Variants in CELSR2 observed in about 807,000 individuals in gnomAD.
CELSR2 encodes the protein EGF-like protein 2.
In CELSR2, 81 loss-of-function variants were observed where a neutral mutation model predicts 251.6. The ratio of observed to expected loss-of-function variants is 0.32; its 90% CI spans 0.27 to 0.39. The LOEUF (loss-of-function observed/expected upper bound fraction) is 0.39, where lower values mean the gene tolerates loss of function less well. Among genes scored for constraint, CELSR2 ranks in the 10% least tolerant of loss-of-function variants. The probability of loss-of-function intolerance (pLI) is 1.00; values close to 1 mark genes in which losing one functional copy is unlikely to be tolerated. For synonymous variants in CELSR2, 1,721 were observed against 1,670.5 expected (o/e 1.03, Z -0.74); for missense variants, 3,365 against 3,947.7 (o/e 0.85, Z 3.96).
intron 1 of CELSR2, 148 bp from the exon 2 acceptor site, chr1:109,258,284 C>T (rs1474936929): frequency 1.0e-5 from 6 of 588,524 alleles, no homozygotes; most frequent in Non-Finnish European, 1.5e-5. Flanking sequence ...CCCCTGAGCC[C>T]TGAAGGAGTG....
chr1:109,252,063 A>T lies in CELSR2; in HGVS notation c.1984A>T (p.Ser662Cys). ...TRNRFSITSQ[S>C]GGGLVSLALP... ...AAACCGCTTCTCCATCACCAGCCAA[A>T]GTGGTGGTGGGCTGGTATCCCTTGC... Residue 662 changes from serine (S) to cysteine (C), a missense_variant, in exon 1 of 34, where the codon AGT becomes TGT. Around this residue, in one of 5 missense-constraint regions of CELSR2, gnomAD observed 60 missense variants for 104.8 expected, o/e 0.57. Coordinates refer to ENST00000271332, the MANE Select transcript of CELSR2 (RefSeq NM_001408.3). This position sits in a 1 kb window ranked among gnomAD's most constrained non-coding sequence, Gnocchi z 4.8. The T allele has an allele frequency of 6.2e-7, 1 of 1,614,036 alleles. No homozygotes were observed. Among genetic ancestry groups the T allele is most frequent in the Non-Finnish European group, 8.5e-7 (1 of 1,180,004 alleles).
At position 109,258,365 on chromosome 1, in the gene CELSR2, G is replaced by T. The variant is rs1278130472; in HGVS notation, c.3311-67G>T. ...TGGAAAGGAGAGCCTTTCTTGGTGG[G>T]TGGTGCAGGAATATGCAGGCTGAAT... On this transcript the variant is annotated intron_variant, in intron 1 of 33. Coordinates refer to ENST00000271332, the MANE Select transcript of CELSR2 (RefSeq NM_001408.3). The T allele has an allele frequency of 3.5e-6, 4 of 1,147,234 alleles. No homozygotes were observed. In the East Asian group the frequency reaches 7.7e-5, roughly 22 times the overall value. 71.1% of individuals were successfully genotyped at this position (1,147,234 alleles called of 1,614,324 possible).
rs779354688 is a variant in CELSR2, at chr1:109,258,676, G to A, written c.3555G>A (p.Leu1185=). 5 of 1,547,700 alleles carry A rather than the reference G, an allele frequency of 3.2e-6. No individual in the cohort carries two copies. Among genetic ancestry groups the A allele is most frequent in the Non-Finnish European group, 4.4e-6 (5 of 1,145,214 alleles). Residue 1185 remains leucine, a synonymous_variant, in exon 2 of 34, where the codon CTG becomes CTA. Coordinates refer to ENST00000271332, the MANE Select transcript of CELSR2 (RefSeq NM_001408.3). ...APGGHILNVS[L]SVGQPPGPGG... is the part of the protein sequence containing the mutation. ...GGGGCCACATCCTCAACGTGAGCCT[G>A]TCGGTGGGCCAGCCGCCAGGGCCCG...
rs1269808317 is a variant in CELSR2, at chr1:109,265,787, A to G, written c.5780A>G (p.Tyr1927Cys). Residue 1927 changes from tyrosine to cysteine, a missense_variant, in exon 14 of 34, where the codon TAC (tyrosine) becomes TGC (cysteine). Tyr to Cys is a radical substitution (Grantham distance 194). Around this residue, in one of 5 missense-constraint regions of CELSR2, gnomAD observed 2,093 missense variants for 2,382.8 expected, o/e 0.88. Transcript: ENST00000271332. ...GSPTCLLCDC[Y>C]PTGSLSRVCD... Reference sequence around the variant, plus strand: ...CCCACCTGCCTCTTGTGTGACTGCTACCCCACAGGCTCCTTGTCCAGAGTC... The same window carrying G: ...CCCACCTGCCTCTTGTGTGACTGCTGCCCCACAGGCTCCTTGTCCAGAGTC... The G allele has an allele frequency of 6.2e-7, 1 of 1,613,822 alleles. No individual in the cohort carries two copies. The highest frequency in any genetic ancestry group is 1.7e-5 in the Admixed American group (1 of 59,998).
At position 109,252,347 on chromosome 1, in the gene CELSR2, C is replaced by T; in HGVS notation, c.2268C>T (p.Pro756=). 4 of 1,613,046 alleles carry T rather than the reference C, an allele frequency of 2.5e-6. No individual in the cohort carries two copies. Among genetic ancestry groups the T allele is most frequent in the Non-Finnish European group, 3.4e-6 (4 of 1,180,022 alleles). The change falls in exon 1 of 34, where the codon CCC becomes CCT. Residue 756 remains proline, a synonymous_variant. Transcript: ENST00000271332. The surrounding 1 kb of genome is among the most constrained non-coding windows in gnomAD (Gnocchi z 4.8). ...RITYFMEDSI[P]QFRIDADTGA... ...CCTACTTCATGGAGGACAGCATCCCCCAGTTCCGCATCGATGCAGACACGG... is the reference window on the plus strand; with the variant it reads ...CCTACTTCATGGAGGACAGCATCCCTCAGTTCCGCATCGATGCAGACACGG...
Position 109,271,021 on chromosome 1 carries a change from G to T in CELSR2, c.7578G>T (p.Pro2526=). ...YDTLIWSFAG[P]VAFAVSMSVF... is the part of the protein sequence containing the mutation. ...CGCTCATCTGGAGTTTTGCTGGCCC[G>T]GTGGCCTTTGCCGTCTCGGTGAGTG... Residue 2526 remains proline (P), a synonymous_variant, in exon 25 of 34, where the codon CCG becomes CCT. Coordinates refer to ENST00000271332, the MANE Select transcript of CELSR2 (RefSeq NM_001408.3). 3.1e-6 allele frequency: 5 copies of T among 1,613,634 alleles called. No homozygotes were observed. The highest frequency in any genetic ancestry group is 4.2e-6 in the Non-Finnish European group (5 of 1,179,878).
rs1045246515 is a variant in CELSR2, at chr1:109,270,565, A to G, written c.7448A>G (p.Tyr2483Cys). 2 of 1,614,094 alleles carry G rather than the reference A, an allele frequency of 1.2e-6. No individual in the cohort carries two copies. Among genetic ancestry groups the G allele is most frequent in the African/African-American group, 1.3e-5 (1 of 75,032 alleles). The change falls in exon 24 of 34, where the codon TAC (tyrosine) becomes TGC (cysteine). Residue 2483 changes from tyrosine (Y) to cysteine (C), a missense_variant. Around this residue, in one of 5 missense-constraint regions of CELSR2, gnomAD observed 2,093 missense variants for 2,382.8 expected, o/e 0.88. Transcript: ENST00000271332. ...DVNTGPMRFY[Y>C]MLGWGVPAFI... Reference sequence around the variant, plus strand: ...AACACCGGCCCCATGCGCTTCTACTACATGCTGGGCTGGGGCGTGCCTGCC... The same window carrying G: ...AACACCGGCCCCATGCGCTTCTACTGCATGCTGGGCTGGGGCGTGCCTGCC...
rs1257400034 is a variant in CELSR2 at position 109,252,416 on chromosome 1, G to A, written c.2337G>A (p.Val779=). 1 of 1,613,268 alleles carries A rather than the reference G, an allele frequency of 6.2e-7. No homozygotes were observed. The highest frequency in any genetic ancestry group is 1.3e-5 in the African/African-American group (1 of 74,934). ...TQAELDYEDQ[V]SYTLAITARD... ...CTGAGCTGGACTATGAAGACCAAGTGTCTTACACCCTGGCCATTACTGCTC... is the reference window on the plus strand; with the variant it reads ...CTGAGCTGGACTATGAAGACCAAGTATCTTACACCCTGGCCATTACTGCTC... Residue 779 remains valine, a synonymous_variant, in exon 1 of 34, where the codon GTG becomes GTA. Transcript: ENST00000271332. This position sits in a 1 kb window ranked among gnomAD's most constrained non-coding sequence, Gnocchi z 4.8.
In CELSR2 at chr1:109,268,962, C is replaced by T. The variant is rs766559119; in HGVS notation, c.6585C>T (p.Pro2195=). The T allele has an allele frequency of 3.1e-6, 5 of 1,613,500 alleles. No homozygotes were observed. The African/African-American group carries it at 4.0e-5, about 13-fold the overall frequency. The part of the protein sequence containing the change: ...PRYEALRGEQ[P]PDLETTVILP... ...ACGAGGCCCTGCGTGGGGAGCAGCC[C>T]CCGGACCTTGAGACAACAGTCATTC... Residue 2195 remains proline, a synonymous_variant, in exon 19 of 34, where the codon CCC becomes CCT. Transcript: ENST00000271332.
rs1365904794 is a variant in CELSR2, at chr1:109,261,925, G to A, written c.4386+29G>A. 1.3e-6 allele frequency: 2 copies of A among 1,552,992 alleles called. No homozygotes were observed. The highest frequency in any genetic ancestry group is 1.2e-5 in the South Asian group (1 of 84,658). Reference sequence around the variant, plus strand: ...GGTGTGGAGGGCACAGAGGGTTGGGGGTTCTGTTCTTGCCTCAGGTGCTTA... The same window carrying A: ...GGTGTGGAGGGCACAGAGGGTTGGGAGTTCTGTTCTTGCCTCAGGTGCTTA... On this transcript the variant is annotated intron_variant, in intron 5 of 33. Transcript: ENST00000271332. The surrounding 1 kb of genome is among the most constrained non-coding windows in gnomAD (Gnocchi z 4.8).
Position 109,264,896 on chromosome 1 carries a change from G to A in CELSR2, c.5493G>A (p.Val1831=). The A allele has an allele frequency of 6.2e-7, 1 of 1,614,204 alleles. No individual in the cohort carries two copies. The highest frequency in any genetic ancestry group is 8.5e-7 in the Non-Finnish European group (1 of 1,180,026). The change falls in exon 12 of 34, where the codon GTG becomes GTA. Residue 1831 remains valine, a synonymous_variant. Transcript: ENST00000271332. ...ACTATGGTGACAACTGTACTAATGT[G>A]TGTGACCTGAACCCGTGTGAGCACC... ...PGYYGDNCTN[V]CDLNPCEHQS...
chr1:109,270,343 G>T, intron 23 of CELSR2, 83 bp from the exon 24 acceptor site: 1 of 1,492,430 alleles, frequency 6.7e-7, no homozygotes, highest in South Asian at 1.2e-5. Flanking sequence ...CAACACCCAG[G>T]CCCTCCTCCA....
rs1409978941 is a variant in CELSR2, at chr1:109,270,060, G to A, written c.7235G>A (p.Arg2412Gln). Residue 2412 changes from arginine (R) to glutamine (Q), a missense_variant, in exon 23 of 34, where the codon CGA becomes CAA. Transcript: ENST00000271332. ...RILRSNQHGIRRNLTAALGLA... is the reference protein window; with the variant it reads ...RILRSNQHGIQRNLTAALGLA... ...CTGCGCTCCAACCAACACGGCATCC[G>A]ACGTAACCTGACAGCTGCCCTGGGC... 8 of 1,614,082 alleles carry A rather than the reference G, an allele frequency of 5.0e-6. No individual in the cohort carries two copies. The highest frequency in any genetic ancestry group is 1.3e-5 in the African/African-American group (1 of 75,002).
chr1:109,266,003 C>T (rs952897388), intron 14 of CELSR2, 85 bp downstream of exon 14: 3 of 1,581,650 alleles, frequency 1.9e-6, no homozygotes, highest in Non-Finnish European at 1.7e-6. Context: ...GGGCTGGTTG[C>T]AGGCCTGGGG....
In CELSR2 at chr1:109,264,331, G is replaced by T; in HGVS notation, c.5255G>T (p.Gly1752Val). ...ITVGGIPGPA[G>V]GVARGFRGCL... The stretch of plus-strand genomic sequence containing the variant: ...GTGGGCGGAATACCTGGGCCAGCCG[G>T]CGGTGTGGCCCGTGGCTTTCGGGGC... Residue 1752 changes from glycine (G) to valine (V), a missense_variant, in exon 10 of 34, where the codon GGC (glycine) becomes GTC (valine). Around this residue, in one of 5 missense-constraint regions of CELSR2, gnomAD observed 2,093 missense variants for 2,382.8 expected, o/e 0.88. Transcript: ENST00000271332. 2 of 1,611,854 alleles carry T rather than the reference G, an allele frequency of 1.2e-6. No homozygotes were observed. Among genetic ancestry groups the T allele is most frequent in the Non-Finnish European group, 1.7e-6 (2 of 1,178,340 alleles).
Position 109,264,475 on chromosome 1 carries a change from C to G in CELSR2, c.5311C>G (p.Pro1771Ala). The G allele has an allele frequency of 6.2e-7, 1 of 1,613,748 alleles. No individual in the cohort carries two copies. Among genetic ancestry groups the G allele is most frequent in the Non-Finnish European group, 8.5e-7 (1 of 1,179,760 alleles). Residue 1771 changes from proline (P) to alanine (A), a missense_variant, in exon 11 of 34, where the codon CCG (proline) becomes GCG (alanine). Pro to Ala is a conservative substitution (Grantham distance 27). Around this residue, in one of 5 missense-constraint regions of CELSR2, gnomAD observed 2,093 missense variants for 2,382.8 expected, o/e 0.88. Transcript: ENST00000271332. ...CLQGVRVSDT[P>A]EGVNSLDPSH... ...CCAGGGTGTGCGGGTGAGCGATACGCCGGAGGGGGTTAACAGCCTGGATCC... is the reference window on the plus strand; with the variant it reads ...CCAGGGTGTGCGGGTGAGCGATACGGCGGAGGGGGTTAACAGCCTGGATCC...
In CELSR2 at chr1:109,252,654, G is replaced by C. The variant is rs201283895; in HGVS notation, c.2575G>C (p.Asp859His). Residue 859 changes from aspartate (D) to histidine (H), a missense_variant, in exon 1 of 34, where the codon GAT becomes CAT. By Grantham distance (81) the Asp-to-His change is moderately conservative. This residue lies in a region of CELSR2 where 505 missense variants were observed against 660.0 expected (regional missense o/e 0.77). Coordinates refer to ENST00000271332, the MANE Select transcript of CELSR2 (RefSeq NM_001408.3). This position sits in a 1 kb window ranked among gnomAD's most constrained non-coding sequence, Gnocchi z 4.8. ...CTTCTACACCTTCCAAGGAGGCGAC[G>C]ATGGAGACGGTGACTTTATTGTTGA... Reference protein sequence around the residue: ...RVFYTFQGGDDGDGDFIVEST... With the variant: ...RVFYTFQGGDHGDGDFIVEST... The C allele has an allele frequency of 6.2e-7, 1 of 1,613,906 alleles. No individual in the cohort carries two copies. The highest frequency in any genetic ancestry group is 1.6e-4 in the Middle Eastern group (1 of 6,062).
intron 5 of CELSR2, 108 bp from the exon 6 acceptor site, chr1:109,262,179 G>A (rs1656037576): frequency 2.8e-6 from 4 of 1,450,728 alleles, no homozygotes; most frequent in African/African-American, 1.4e-5. Flanking sequence ...ATGTGTGTAC[G>A]TGTGTCTGGG....
rs1656058919 is a variant in CELSR2 at position 109,262,906 on chromosome 1, C to T, written c.4645C>T (p.Leu1549=). ...GCAGTTCGTGGGCTGCATGCGGAAC[C>T]TGCAGGTGGACAGCCGGCACATAGA... ...MRQFVGCMRN[L]QVDSRHIDMA... The change falls in exon 7 of 34, where the codon CTG becomes TTG. Residue 1549 remains leucine, a synonymous_variant. Coordinates refer to ENST00000271332, the MANE Select transcript of CELSR2 (RefSeq NM_001408.3). 3 of 1,613,840 alleles carry T rather than the reference C, an allele frequency of 1.9e-6. 1 individual carries two copies. The South Asian group carries it at 3.3e-5, about 18-fold the overall frequency.
Sources: gnomAD v4.1 joint callset for allele counts on GRCh38, gnomAD v4.1.1 for gene constraint, gnomAD v4.1.1 regional missense constraint, Gnocchi (gnomAD v3.1) non-coding constraint, MANE v1.5 for transcripts, NCBI Gene and HGNC (gene_info 2026-07-23, HGNC 2026-07-21) for gene names.